Variants in FAM86B2 observed in about 807,000 individuals in gnomAD.
The protein encoded by FAM86B2 is putative protein N-methyltransferase FAM86B2.
In FAM86B2, 1 loss-of-function variant was observed where a neutral mutation model predicts 26.5. The observed-to-expected ratio is 0.04, with a 90% CI of 0.01 to 0.18. The LOEUF (loss-of-function observed/expected upper bound fraction) is 0.18, where lower values mean the gene tolerates loss of function less well. Among genes scored for constraint, FAM86B2 ranks in the 10% least tolerant of loss-of-function variants. The probability of loss-of-function intolerance (pLI) is 1.00; values close to 1 mark genes in which losing one functional copy is unlikely to be tolerated. For synonymous variants in FAM86B2, 11 were observed against 127.8 expected (o/e 0.09, Z 6.17); for missense variants, 43 against 303.5 (o/e 0.14, Z 6.38).
intron 4 of FAM86B2, among the ~76,000 whole-genome samples, chr8:12,429,518 C>T (rs1813210080): frequency 1.2e-5 from 1 of 81,888 alleles, no homozygotes; most frequent in African/African-American, 4.4e-5. Flanking sequence ...GTCACCCAGG[C>T]TGGAGTCAGT....
chr8:12,432,920 C>G, intron 2 of FAM86B2, among the ~76,000 whole-genome samples: 1 of 149,584 alleles, frequency 6.7e-6, no homozygotes, highest in Non-Finnish European at 1.5e-5. Context: ...GTGCAGTGGC[C>G]CGATCTTGGC....
intron 7 of FAM86B2, among the ~76,000 whole-genome samples, chr8:12,426,193 C>A (rs1343289228): frequency 4.0e-5 from 6 of 148,270 alleles, no homozygotes; most frequent in African/African-American, 1.5e-4. Flanking sequence ...AAATGGCTAG[C>A]AGCAGGCACC....
chr8:12,435,923 T>C (rs1264649091), intron 1 of FAM86B2, among the ~76,000 whole-genome samples: 4,201 of 136,340 alleles, frequency 0.031, 20 homozygotes, highest in Middle Eastern at 0.062. Context: ...AATGGGCGAG[T>C]GCAGCTGTGT....
At chr8:12,429,444 CTA>C (rs1218896178) in intron 4 of FAM86B2, among the ~76,000 whole-genome samples, 1 of 69,236 alleles carries the variant, frequency 1.4e-5, no homozygotes, top group Non-Finnish European at 2.8e-5. Flanking sequence ...ATTCAATATG[CTA>C]TGTTTTTCCT....
chr8:12,434,935 G>T (rs1798537266), intron 1 of FAM86B2, among the ~76,000 whole-genome samples: 1 of 151,712 alleles, frequency 6.6e-6, no homozygotes, highest in Non-Finnish European at 1.5e-5. Context: ...CTCTCATCTG[G>T]TCTTTTCTTG....
intron 7 of FAM86B2, among the ~76,000 whole-genome samples, chr8:12,426,383 T>C (rs1407817483): frequency 2.1e-5 from 3 of 145,948 alleles, no homozygotes; most frequent in African/African-American, 7.7e-5. Context: ...TTGAGGCTTA[T>C]ACTATGTGTG....
intron 6 of FAM86B2, among the ~76,000 whole-genome samples, 165 bp downstream of exon 6, chr8:12,428,468 G>A (rs1813001937): frequency 1.3e-5 from 2 of 151,984 alleles, no homozygotes; most frequent in African/African-American, 4.8e-5. Context: ...CACCTTAAGA[G>A]GCACCCCTGT....
chr8:12,434,931 T>A (rs1407505173), intron 1 of FAM86B2, among the ~76,000 whole-genome samples: 2 of 151,768 alleles, frequency 1.3e-5, no homozygotes, highest in African/African-American at 4.9e-5. Context: ...GCCACTCTCA[T>A]CTGGTCTTTT....
At chr8:12,431,660 T>G (rs1232918645) in intron 3 of FAM86B2, among the ~76,000 whole-genome samples, 1 of 41,630 alleles carries the variant, frequency 2.4e-5, no homozygotes, top group Non-Finnish European at 4.2e-5. Context: ...GAGGAACTAG[T>G]TCCAAAGGTA....
intron 7 of FAM86B2, among the ~76,000 whole-genome samples, chr8:12,426,335 C>T (rs1225177165): frequency 2.1e-5 from 3 of 143,162 alleles, no homozygotes; most frequent in Admixed American, 2.1e-4. Context: ...AGTGGCCGGG[C>T]ACAGCCAGAC....
intron 1 of FAM86B2, among the ~76,000 whole-genome samples, chr8:12,435,604 C>G (rs938994006): frequency 7.3e-6 from 1 of 137,774 alleles, no homozygotes; most frequent in Admixed American, 7.0e-5. Context: ...TCCCAACTGA[C>G]TCATCCAGTG....
At chr8:12,433,212 TGA>T in intron 2 of FAM86B2, among the ~76,000 whole-genome samples, 1 of 82,228 alleles carries the variant, frequency 1.2e-5, no homozygotes, top group South Asian at 4.8e-4. Context: ...TCACCACCTA[TGA>T]GAGTGAGGCT....
chr8:12,435,860 C>G (rs1460860785), intron 1 of FAM86B2, among the ~76,000 whole-genome samples: 3 of 140,486 alleles, frequency 2.1e-5, no homozygotes, highest in African/African-American at 5.2e-5. Flanking sequence ...GACCTGGTCA[C>G]CACGCTCAGG....
In FAM86B2 at chr8:12,424,522, G is replaced by GCTGT. The variant is rs1812544790; in HGVS notation, c.*1366_*1367insACAG. 9.3e-6 allele frequency among the ~76,000 whole-genome samples: 1 copy of GCTGT among 107,592 alleles called. No homozygotes were observed. Among genetic ancestry groups the GCTGT allele is most frequent in the Non-Finnish European group, 2.0e-5 (1 of 49,724 alleles). 70.6% of individuals were successfully genotyped at this position (107,592 alleles called of 152,430 possible). Reference sequence around the variant, plus strand: ...TCCTTGATTCAGACAGTTTAGCAAGGCTGAAAAGAACACCCACACCCCCTT... The same window carrying GCTGT: ...TCCTTGATTCAGACAGTTTAGCAAGGCTGTCTGAAAAGAACACCCACACCCCCTT... On this transcript the variant is annotated 3_prime_UTR_variant, in exon 8 of 8. Coordinates refer to ENST00000262365, the MANE Select transcript of FAM86B2 (RefSeq NM_001137610.3).
Position 12,424,708 on chromosome 8 carries a change from G to A in FAM86B2, c.*1181C>T, listed in dbSNP as rs1349519076. Among the ~76,000 whole-genome samples the A allele has an allele frequency of 7.7e-4, 99 of 129,188 alleles. No individual in the cohort carries two copies. Among genetic ancestry groups the A allele is most frequent in the Non-Finnish European group, 1.5e-3 (85 of 58,356 alleles). 84.8% of individuals were successfully genotyped at this position (129,188 alleles called of 152,430 possible). On this transcript the variant is annotated 3_prime_UTR_variant, in exon 8 of 8. Transcript: ENST00000262365. The stretch of plus-strand genomic sequence containing the variant: ...CCAGAAAGCATGATGTCAAGTTGGA[G>A]GTGGAGCGCTGCTGGGTTGTGAAGG...
At chr8:12,428,317 G>A (rs1216501127) in intron 6 of FAM86B2, among the ~76,000 whole-genome samples, 1 of 149,868 alleles carries the variant, frequency 6.7e-6, no homozygotes, top group Non-Finnish European at 1.5e-5. Flanking sequence ...TCTCTCAAGG[G>A]CCCTGACCTC....
At chr8:12,434,947 T>C (rs1165555638) in intron 1 of FAM86B2, among the ~76,000 whole-genome samples, 1 of 151,716 alleles carries the variant, frequency 6.6e-6, no homozygotes, top group Non-Finnish European at 1.5e-5. Flanking sequence ...CTTTTCTTGT[T>C]TATTCATTTA....
intron 7 of FAM86B2, chr8:12,427,415 A>AAGCACAT: frequency 3.1e-6 from 1 of 326,460 alleles, no homozygotes; most frequent in Admixed American, 6.7e-5. Context: ...CCCTGCTCTG[A>AAGCACAT]AGCACATAGT....
chr8:12,434,865 G>T (rs201856115), intron 1 of FAM86B2, among the ~76,000 whole-genome samples: 1 of 151,090 alleles, frequency 6.6e-6, no homozygotes, highest in Non-Finnish European at 1.5e-5. Context: ...CCTGACTTTG[G>T]TGACACTTCT....
Sources: allele counts gnomAD v4.1 joint callset (sites outside exome capture counted in the v4.1 genomes callset), GRCh38; gene constraint gnomAD v4.1.1; transcripts MANE v1.5; gene names NCBI Gene and HGNC (gene_info 2026-07-23, HGNC 2026-07-21).